The following OTP variants were observed in gnomAD, a reference collection of about 807,000 sequenced individuals.
OTP encodes the protein homeobox protein orthopedia.
A neutral mutation model predicts 22.3 loss-of-function variants in OTP; 5 were observed. The observed-to-expected ratio is 0.22, with a 90% CI of 0.12 to 0.47. The LOEUF is 0.47. Among genes scored for constraint, OTP ranks in the 20% least tolerant of loss-of-function variants. The pLI, the probability that OTP is intolerant of heterozygous loss-of-function variation, is 0.99. For synonymous variants in OTP, 229 were observed against 210.6 expected (o/e 1.09, Z -0.76); for missense variants, 428 against 456.2 (o/e 0.94, Z 0.56).
intron 2 of OTP, among the ~76,000 whole-genome samples, chr5:77,633,048 T>C (rs1483797978): frequency 6.6e-6 from 1 of 152,134 alleles, no homozygotes; most frequent in African/African-American, 2.4e-5. Context: ...TTTTGAAAGG[T>C]GTCTTATAAA....
chr5:77,637,897 C>T (rs981835885), intron 1 of OTP, among the ~76,000 whole-genome samples: 3 of 152,188 alleles, frequency 2.0e-5, no homozygotes, highest in African/African-American at 4.8e-5. Flanking sequence ...GTGAATCAAA[C>T]TTTAGAGATT....
intron 2 of OTP, among the ~76,000 whole-genome samples, chr5:77,631,692 G>A (rs1012278599): frequency 1.3e-5 from 2 of 151,050 alleles, no homozygotes; most frequent in African/African-American, 2.4e-5. Context: ...AGCCTCCCGA[G>A]TAGCTAGGAT....
At chr5:77,632,209 A>T (rs777157770) in intron 2 of OTP, among the ~76,000 whole-genome samples, 1 of 152,080 alleles carries the variant, frequency 6.6e-6, no homozygotes, top group Non-Finnish European at 1.5e-5. Context: ...TGCCTGAAAG[A>T]TATCACATAA....
chr5:77,638,514 T>C lies in OTP; in HGVS notation c.36A>G (p.Leu12=). 6.4e-7 allele frequency: 1 copy of C among 1,574,476 alleles called. No individual in the cohort carries two copies. Among genetic ancestry groups the C allele is most frequent in the South Asian group, 1.2e-5 (1 of 84,834 alleles). Residue 12 remains leucine (L), a splice_region_variant and synonymous_variant, in exon 1 of 3, where the codon CTA becomes CTG. Transcript: ENST00000306422. ...CCCGGGCGAGAGGCGCGCACTCACC[T>C]AGCCTGGCGTCCAGGAGGTCGGCAT... is the stretch of plus-strand genomic sequence containing the variant. ...LSHADLLDAR[L]GMKDAAELLG...
rs1434663992 is a variant in OTP at position 77,637,230 on chromosome 5, C to G, written c.38G>C (p.Gly13Ala). ...SHADLLDARLGMKDAAELLGH... is the reference protein window; with the variant it reads ...SHADLLDARLAMKDAAELLGH... The stretch of plus-strand genomic sequence containing the variant: ...CAGAAGCTCGGCGGCATCTTTCATA[C>G]CTGAGGAGGCAAGGGGATCGCGGTC... The change falls in exon 2 of 3, where the codon GGT becomes GCT. Residue 13 changes from glycine (G) to alanine (A), a missense_variant and splice_region_variant. Gly to Ala is a moderately conservative substitution (Grantham distance 60, BLOSUM62 0). Around this residue, in one of 3 missense-constraint regions of OTP, gnomAD observed 176 missense variants for 162.9 expected, o/e 1.08. Coordinates refer to ENST00000306422, the MANE Select transcript of OTP (RefSeq NM_032109.3). The G allele has an allele frequency of 6.7e-7, 1 of 1,498,876 alleles. No homozygotes were observed. Among genetic ancestry groups the G allele is most frequent in the Non-Finnish European group, 8.9e-7 (1 of 1,124,850 alleles). The allele number at this position is 1,498,876 out of a possible 1,614,324, so 92.8% of individuals were successfully genotyped here. A position where few individuals can be genotyped will look rare whatever the true frequency, so the allele number is the denominator to read the frequency against.
intron 1 of OTP, 95 bp from the exon 2 acceptor site, chr5:77,637,325 C>T: frequency 7.4e-7 from 1 of 1,348,490 alleles, no homozygotes; most frequent in Non-Finnish European, 9.9e-7. Context: ...GTCCTCGGCC[C>T]CCTCCGCACC....
rs1401789107 is a variant in OTP at position 77,630,221 on chromosome 5, C to T, written c.*43G>A. 2.2e-6 allele frequency: 3 copies of T among 1,378,422 alleles called. No homozygotes were observed. The highest frequency in any genetic ancestry group is 2.8e-6 in the Non-Finnish European group (3 of 1,062,318). 85.4% of individuals were successfully genotyped at this position (1,378,422 alleles called of 1,614,324 possible). A position where few individuals can be genotyped will look rare whatever the true frequency, so the allele number is the denominator to read the frequency against. On this transcript the variant is annotated 3_prime_UTR_variant, in exon 3 of 3. Transcript: ENST00000306422. The stretch of plus-strand genomic sequence containing the variant: ...CGCCGGAAGGGCCTCGGGGCGGCCC[C>T]CGGGGCGGTGCTGGGGGCGGAGCGG...
At chr5:77,636,418 C>T (rs992126913) in intron 2 of OTP, 5 of 175,216 alleles carry the variant, frequency 2.9e-5, no homozygotes, top group Non-Finnish European at 1.2e-5. Context: ...TGCATTCCTC[C>T]TTTTATCCAA....
In OTP at chr5:77,637,049, C is replaced by T. The variant is rs370680168; in HGVS notation, c.219G>A (p.Leu73=). The change falls in exon 2 of 3, where the codon CTG becomes CTA. Residue 73 remains leucine, a synonymous_variant. Transcript: ENST00000306422. Reference sequence around the variant, plus strand: ...TGTCCGGGTCTTTGGCGCTCACCGCCAGCGAGGCCGGAGTAGAGCCCACTG... The same window carrying T: ...TGTCCGGGTCTTTGGCGCTCACCGCTAGCGAGGCCGGAGTAGAGCCCACTG... ...ITTVGSTPAS[L]AVSAKDPDKQ... The T allele has an allele frequency of 5.6e-6, 9 of 1,612,940 alleles. No homozygotes were observed. In the African/African-American group the frequency reaches 9.3e-5, roughly 17 times the overall value.
At chr5:77,632,747 G>A (rs1181783726) in intron 2 of OTP, among the ~76,000 whole-genome samples, 1 of 152,166 alleles carries the variant, frequency 6.6e-6, no homozygotes, top group African/African-American at 2.4e-5. Flanking sequence ...CAGTGTCGGC[G>A]ATGGATAAAC....
chr5:77,630,462 G>T lies in OTP; in HGVS notation c.780C>A (p.Asn260Lys). 1 of 1,586,928 alleles carries T rather than the reference G, an allele frequency of 6.3e-7. No individual in the cohort carries two copies. The change falls in exon 3 of 3, where the codon AAC (asparagine) becomes AAA (lysine). Residue 260 changes from asparagine (N) to lysine (K), a missense_variant. Coordinates refer to ENST00000306422, the MANE Select transcript of OTP (RefSeq NM_032109.3). Reference protein sequence around the residue: ...MGLSNSLAGSNGAGLQSHLYQ... With the variant: ...MGLSNSLAGSKGAGLQSHLYQ... The stretch of plus-strand genomic sequence containing the variant: ...AGAGGTGCGACTGCAGCCCCGCGCC[G>T]TTGGAACCCGCCAGGCTGTTGGACA...
chr5:77,636,732 T>A, intron 2 of OTP, 89 bp downstream of exon 2: 1 of 1,347,272 alleles, frequency 7.4e-7, no homozygotes, highest in Non-Finnish European at 1.0e-6. Context: ...GCCCAGGATC[T>A]CGACAGGGGA....
intron 2 of OTP, among the ~76,000 whole-genome samples, chr5:77,633,830 A>G (rs1428958235): frequency 6.6e-6 from 1 of 152,208 alleles, no homozygotes; most frequent in African/African-American, 2.4e-5. Context: ...AATCCAGCAA[A>G]TGATTAATGT....
chr5:77,637,312 C>G, intron 1 of OTP, 82 bp from the exon 2 acceptor site: 1 of 1,422,166 alleles, frequency 7.0e-7, no homozygotes, highest in African/African-American at 1.4e-5. Flanking sequence ...CTTCCTTCAA[C>G]CCGTCCTCGG....
At chr5:77,637,854 T>G (rs760304610) in intron 1 of OTP, among the ~76,000 whole-genome samples, 1 of 152,184 alleles carries the variant, frequency 6.6e-6, no homozygotes, top group Non-Finnish European at 1.5e-5. Flanking sequence ...CCAGATAGCA[T>G]TAAGGAAACT....
In OTP at chr5:77,630,254, C is replaced by G. The variant is rs1243358958; in HGVS notation, c.*10G>C. 5 of 1,501,986 alleles carry G rather than the reference C, an allele frequency of 3.3e-6. No homozygotes were observed. The highest frequency in any genetic ancestry group is 4.4e-6 in the Non-Finnish European group (5 of 1,129,412). The allele number at this position is 1,501,986 out of a possible 1,614,324, so 93.0% of individuals were successfully genotyped here. A position where few individuals can be genotyped will look rare whatever the true frequency, so the allele number is the denominator to read the frequency against. On this transcript the variant is annotated 3_prime_UTR_variant, in exon 3 of 3. Transcript: ENST00000306422. Reference sequence around the variant, plus strand: ...GTGCTGGGGGCGGAGCGGGCCGGGGCGCGGCTGCATTAAGTGAAGCTCATA... The same window carrying G: ...GTGCTGGGGGCGGAGCGGGCCGGGGGGCGGCTGCATTAAGTGAAGCTCATA...
At chr5:77,634,972 T>C (rs933280665) in intron 2 of OTP, among the ~76,000 whole-genome samples, 4 of 152,214 alleles carry the variant, frequency 2.6e-5, no homozygotes, top group African/African-American at 9.6e-5. Flanking sequence ...TTATATTTTA[T>C]TTCATTTACA....
chr5:77,635,582 G>A (rs982096521), intron 2 of OTP, among the ~76,000 whole-genome samples: 11 of 152,190 alleles, frequency 7.2e-5, no homozygotes, highest in African/African-American at 2.7e-4. Flanking sequence ...TATCTTTTCA[G>A]TTTAGACTAT....
chr5:77,632,083 C>A (rs898025632), intron 2 of OTP, among the ~76,000 whole-genome samples: 1 of 146,084 alleles, frequency 6.8e-6, no homozygotes, highest in Non-Finnish European at 1.5e-5. Context: ...AAAATACACT[C>A]CAAATGAAAA....
Sources: gnomAD v4.1 joint callset for allele counts (sites outside exome capture counted in the v4.1 genomes callset) on GRCh38, gnomAD v4.1.1 for gene constraint, gnomAD v4.1.1 regional missense constraint, MANE v1.5 for transcripts, NCBI Gene and HGNC (gene_info 2026-07-23, HGNC 2026-07-21) for gene names.